Variants in SYTL5 observed in about 807,000 individuals in gnomAD.
SYTL5 encodes the protein synaptotagmin-like protein 5.
In SYTL5, 34 loss-of-function variants were observed where a neutral mutation model predicts 55.9. The ratio of observed to expected loss-of-function variants is 0.61; its 90% CI spans 0.46 to 0.81. SYTL5 has a LOEUF of 0.81. Ranked by LOEUF, SYTL5 falls within the 30% of genes least tolerant of loss-of-function variation. The pLI is 0.00. For synonymous variants in SYTL5, 221 were observed against 188.7 expected (o/e 1.17, Z -1.40); for missense variants, 637 against 546.7 (o/e 1.17, Z -1.65).
At chrX:37,927,933 T>A in the SYTL5 span, among the ~76,000 whole-genome samples, 1 of 112,050 alleles carries the variant, frequency 8.9e-6, no homozygotes, top group Non-Finnish European at 1.9e-5. Context: ...ATATGGCTAA[T>A]CCCCAAGATA....
chrX:37,947,034 CTT>C, the SYTL5 span, among the ~76,000 whole-genome samples: 1 of 111,030 alleles, frequency 9.0e-6, no homozygotes, highest in African/African-American at 3.3e-5. Flanking sequence ...TACTCTCTCT[CTT>C]GCCCCACTTT....
chrX:37,965,179 A>G, the SYTL5 span, among the ~76,000 whole-genome samples: 46 of 111,099 alleles, frequency 4.1e-4, no homozygotes, highest in Non-Finnish European at 5.9e-4. Flanking sequence ...ACCTTTCATC[A>G]TTTTTAATAT....
chrX:38,122,783 T>C (rs1602419825), intron 15 of SYTL5, among the ~76,000 whole-genome samples: 1 of 112,385 alleles, frequency 8.9e-6, no homozygotes. Flanking sequence ...TGCCTAACTC[T>C]AGGCAACTCA....
intron 1 of SYTL5, among the ~76,000 whole-genome samples, chrX:38,007,981 G>T (rs193265697): frequency 0.012 from 1,361 of 111,571 alleles, 25 homozygotes; most frequent in African/African-American, 0.042. Flanking sequence ...CTTCTGATAG[G>T]TTTAGTGAAT....
chrX:37,904,500 T>C, the SYTL5 span, among the ~76,000 whole-genome samples: 2 of 110,060 alleles, frequency 1.8e-5, no homozygotes, highest in Admixed American at 9.7e-5. Context: ...AAAGTAAAGG[T>C]AAAGAAATGG....
chrX:38,024,138 C>A (rs1285771400), intron 1 of SYTL5, among the ~76,000 whole-genome samples: 2 of 110,228 alleles, frequency 1.8e-5, no homozygotes, highest in Non-Finnish European at 3.8e-5. Flanking sequence ...TGTGTCCCCA[C>A]CCTAATCTCT....
At chrX:38,028,637 C>T (rs1471212716) in intron 1 of SYTL5, among the ~76,000 whole-genome samples, 1 of 111,897 alleles carries the variant, frequency 8.9e-6, no homozygotes, top group Non-Finnish European at 1.9e-5. Context: ...TTAGCTCAAT[C>T]CATGCAGTTA....
At chrX:38,006,761 G>A (rs1011332782) in intron 1 of SYTL5, 93 bp downstream of exon 1, 2 of 111,326 alleles carry the variant, frequency 1.8e-5, no homozygotes, top group Non-Finnish European at 1.9e-5. Flanking sequence ...GGATTTGCTG[G>A]TCAGGAAGAA....
chrX:38,016,634 A>G (rs1477900176), intron 1 of SYTL5, among the ~76,000 whole-genome samples: 1 of 111,956 alleles, frequency 8.9e-6, no homozygotes, highest in Non-Finnish European at 1.9e-5. Flanking sequence ...TCATGTCTCT[A>G]TGATCTTGGA....
the SYTL5 span, among the ~76,000 whole-genome samples, chrX:37,985,255 C>T: frequency 1.8e-5 from 2 of 111,297 alleles, no homozygotes; most frequent in Non-Finnish European, 3.8e-5. Context: ...TCTATTAGAA[C>T]TAGTAAATGA....
chrX:38,006,525 T>C (rs1933993008), upstream of SYTL5: 1 of 111,759 alleles, frequency 8.9e-6, no homozygotes, highest in South Asian at 3.7e-4. Context: ...GTTCAATGTG[T>C]AAATAGATTG....
At chrX:37,944,423 T>C in the SYTL5 span, among the ~76,000 whole-genome samples, 1 of 111,900 alleles carries the variant, frequency 8.9e-6, no homozygotes, top group Non-Finnish European at 1.9e-5. Flanking sequence ...TCTATTACAT[T>C]AGCAGGTGAT....
chrX:37,990,015 G>A, the SYTL5 span, among the ~76,000 whole-genome samples: 7 of 110,284 alleles, frequency 6.3e-5, no homozygotes, highest in African/African-American at 2.3e-4. Context: ...TGGGACTACA[G>A]GCGCCCGCCA....
chrX:38,073,471 C>A, intron 4 of SYTL5, 119 bp from the exon 5 acceptor site: 2 of 494,947 alleles, frequency 4.0e-6, no homozygotes, highest in South Asian at 3.9e-5. Flanking sequence ...ATGGCATTGC[C>A]AATTATTATA....
intron 15 of SYTL5, among the ~76,000 whole-genome samples, chrX:38,124,006 A>G (rs999016941): frequency 9.0e-6 from 1 of 111,467 alleles, no homozygotes; most frequent in African/African-American, 3.3e-5. Flanking sequence ...CATGTAAACA[A>G]AGACTGAAGG....
At chrX:37,990,105 C>T in the SYTL5 span, among the ~76,000 whole-genome samples, 2 of 110,159 alleles carry the variant, frequency 1.8e-5, no homozygotes, top group Non-Finnish European at 3.8e-5. Context: ...ATCTCCTGAC[C>T]TTGTGATCCA....
In SYTL5 at chrX:38,073,680, A is replaced by G. The variant is rs761186181; in HGVS notation, c.536A>G (p.Asp179Gly). The stretch of plus-strand genomic sequence containing the variant: ...GTTGCTGGGAAGAAGGCCAGCCATG[A>G]TGGGCCCAAGAGAAAGGGGTAAGAC... ...SPVAGKKASHDGPKRKGFLLS... is the reference protein window; with the variant it reads ...SPVAGKKASHGGPKRKGFLLS... The change falls in exon 5 of 17, where the codon GAT becomes GGT. Residue 179 changes from aspartate to glycine, a missense_variant. Coordinates refer to ENST00000297875, the MANE Select transcript of SYTL5 (RefSeq NM_138780.3). 2.5e-6 allele frequency: 3 copies of G among 1,191,494 alleles called. No individual in the cohort carries two copies. The highest frequency in any genetic ancestry group is 4.5e-5 in the Admixed American group (2 of 44,093).
At chrX:37,926,392 C>A in the SYTL5 span, among the ~76,000 whole-genome samples, 1 of 109,139 alleles carries the variant, frequency 9.2e-6, no homozygotes, top group African/African-American at 3.3e-5. Context: ...TTTTTACTGG[C>A]TGACCCCCCT....
chrX:38,043,690 T>TACAC (rs1555924886), intron 2 of SYTL5, among the ~76,000 whole-genome samples: 22 of 69,527 alleles, frequency 3.2e-4, no homozygotes, highest in Non-Finnish European at 4.8e-4. Context: ...TATATATATA[T>TACAC]ACATATATAT....
Sources: gnomAD v4.1 joint callset for allele counts (sites outside exome capture counted in the v4.1 genomes callset) on GRCh38, gnomAD v4.1.1 for gene constraint, MANE v1.5 for transcripts, NCBI Gene and HGNC (gene_info 2026-07-23, HGNC 2026-07-21) for gene names.